Variants in ZNRF1 observed in about 807,000 individuals in gnomAD.
The protein encoded by ZNRF1 is E3 ubiquitin-protein ligase ZNRF1.
In ZNRF1, 3 loss-of-function variants were observed where a neutral mutation model predicts 18.4. The ratio of observed to expected loss-of-function variants is 0.16; its 90% CI spans 0.07 to 0.42. ZNRF1 has a LOEUF of 0.42. ZNRF1 is among the 10% of genes least tolerant of loss of function. ZNRF1 has a pLI of 0.99. For missense variants in ZNRF1, 310 were observed against 329.8 expected (o/e 0.94, Z 0.47); for synonymous variants, 157 against 144.2 (o/e 1.09, Z -0.64).
intron 1 of ZNRF1, among the ~76,000 whole-genome samples, chr16:75,088,848 G>A (rs1472449189): frequency 1.3e-5 from 2 of 152,190 alleles, no homozygotes; most frequent in African/African-American, 4.8e-5. Flanking sequence ...ATTATCATAT[G>A]CAAGAGTAGG....
intron 1 of ZNRF1, among the ~76,000 whole-genome samples, chr16:75,087,946 A>G (rs1367381148): frequency 6.6e-6 from 1 of 152,258 alleles, no homozygotes; most frequent in Non-Finnish European, 1.5e-5. Flanking sequence ...TCAGAGGCTT[A>G]GGGAGTGTCC....
chr16:75,078,385 G>GC (rs1251951936), intron 1 of ZNRF1, among the ~76,000 whole-genome samples: 2 of 132,818 alleles, frequency 1.5e-5, no homozygotes, highest in African/African-American at 2.9e-5. Context: ...TGCAACCTCC[G>GC]CCCCCCAGGT....
At chr16:75,059,229 C>CTTTTTTTTTTTTTTTTTTTT (rs35291578) in intron 1 of ZNRF1, among the ~76,000 whole-genome samples, 9 of 92,878 alleles carry the variant, frequency 9.7e-5, no homozygotes, top group Non-Finnish European at 1.2e-4. Flanking sequence ...TTCTTTCTTT[C>CTTTTTTTTTTTTTTTTTTTT]TTTTTTTTTT....
chr16:75,080,763 A>G (rs1326740772), intron 1 of ZNRF1, among the ~76,000 whole-genome samples: 1 of 152,166 alleles, frequency 6.6e-6, no homozygotes, highest in East Asian at 1.9e-4. Context: ...AGTCCCAGCT[A>G]CTTGAGGGGC....
Position 75,020,087 on chromosome 16 carries a change from T to G in ZNRF1, c.424+19992T>G, listed in dbSNP as rs150900596. ...TAATGACTGAATTTGTGAACTTCTC[T>G]TCATAATTTTGTCAAACGTGTCTGC... is the stretch of plus-strand genomic sequence containing the variant. On this transcript the variant is annotated intron_variant, in intron 1 of 4. Coordinates refer to ENST00000335325, the MANE Select transcript of ZNRF1 (RefSeq NM_032268.5). Among the ~76,000 whole-genome samples, 3 of 152,234 alleles carry G rather than the reference T, an allele frequency of 2.0e-5. No individual in the cohort carries two copies. In the East Asian group the frequency reaches 5.8e-4, roughly 29 times the overall value.
Position 75,107,760 on chromosome 16 carries a change from A to G in ZNRF1, c.*60A>G. On this transcript the variant is annotated 3_prime_UTR_variant, in exon 5 of 5. Coordinates refer to ENST00000335325, the MANE Select transcript of ZNRF1 (RefSeq NM_032268.5). Reference sequence around the variant, plus strand: ...ACAGAGCGCCCCTGCTCCAGGGAGGAGGCTCACCGGACCCTGGGGCAGAGC... The same window carrying G: ...ACAGAGCGCCCCTGCTCCAGGGAGGGGGCTCACCGGACCCTGGGGCAGAGC... 1 of 456,442 alleles carries G rather than the reference A, an allele frequency of 2.2e-6. No individual in the cohort carries two copies. Among genetic ancestry groups the G allele is most frequent in the Non-Finnish European group, 4.4e-6 (1 of 226,780 alleles). The allele number at this position is 456,442 out of a possible 1,614,324, so 28.3% of individuals were successfully genotyped here.
chr16:75,090,096 G>T (rs4447456), intron 1 of ZNRF1, among the ~76,000 whole-genome samples: 113,775 of 152,022 alleles, frequency 0.75, 44,511 homozygotes, highest in Non-Finnish European at 0.87. Flanking sequence ...TAAAGTGCAG[G>T]TGTCCTTTAG....
chr16:75,040,190 G>A (rs773920730), intron 1 of ZNRF1, among the ~76,000 whole-genome samples: 5 of 151,386 alleles, frequency 3.3e-5, no homozygotes, highest in Non-Finnish European at 7.4e-5. Context: ...CACTGCAGGC[G>A]CGCACCACCA....
chr16:75,094,801 A>C lies in ZNRF1; in HGVS notation c.520+1134A>C, dbSNP rs188909990. 1.2e-4 allele frequency among the ~76,000 whole-genome samples: 18 copies of C among 152,318 alleles called. 1 individual carries two copies. Among genetic ancestry groups the C allele is most frequent in the Admixed American group, 1.0e-3 (16 of 15,294 alleles). On this transcript the variant is annotated intron_variant, in intron 2 of 4. Coordinates refer to ENST00000335325, the MANE Select transcript of ZNRF1 (RefSeq NM_032268.5). ...TTAGTCTGGTCTCCAAACCATGTTC[A>C]TCAGAAAACGGCATCTTCCACTAGA...
At chr16:75,077,586 A>G (rs2035956628) in intron 1 of ZNRF1, among the ~76,000 whole-genome samples, 1 of 152,224 alleles carries the variant, frequency 6.6e-6, no homozygotes, top group Non-Finnish European at 1.5e-5. Context: ...TTTCTCTTAG[A>G]AGGTTTTACA....
chr16:75,060,062 CT>C (rs533539713), intron 1 of ZNRF1, among the ~76,000 whole-genome samples: 5 of 148,724 alleles, frequency 3.4e-5, no homozygotes, highest in Admixed American at 1.3e-4. Flanking sequence ...GTTTTCTTTT[CT>C]TTTTTTTTTG....
intron 1 of ZNRF1, among the ~76,000 whole-genome samples, chr16:75,074,961 A>T (rs1389740840): frequency 6.6e-6 from 1 of 152,198 alleles, no homozygotes; most frequent in African/African-American, 2.4e-5. Flanking sequence ...TTTGTATCAG[A>T]GTGCAGAAGC....
At chr16:75,035,750 C>T (rs1427536260) in intron 1 of ZNRF1, among the ~76,000 whole-genome samples, 2 of 152,194 alleles carry the variant, frequency 1.3e-5, no homozygotes, top group African/African-American at 2.4e-5. Flanking sequence ...TCCGCATGCG[C>T]AGTGGCCGCC....
At chr16:75,037,340 TTTTTGTTTTG>T (rs1009845339) in intron 1 of ZNRF1, among the ~76,000 whole-genome samples, 1 of 152,036 alleles carries the variant, frequency 6.6e-6, no homozygotes, top group African/African-American at 2.4e-5. Context: ...CTCTTTTGTT[TTTTTGTTTTG>T]TTTTGTTTTG....
chr16:75,073,243 A>AT (rs1242182276), intron 1 of ZNRF1, among the ~76,000 whole-genome samples: 1 of 151,898 alleles, frequency 6.6e-6, no homozygotes, highest in East Asian at 1.9e-4. Flanking sequence ...TAAATATAAA[A>AT]TTGAGGCAAG....
intron 1 of ZNRF1, among the ~76,000 whole-genome samples, chr16:75,020,864 G>A (rs191985893): frequency 1.3e-5 from 2 of 151,824 alleles, no homozygotes; most frequent in South Asian, 4.2e-4. Context: ...TCTTAGAAAG[G>A]GTTTCATTAT....
At chr16:75,093,061 A>G (rs58154888) in intron 1 of ZNRF1, among the ~76,000 whole-genome samples, 3,591 of 152,254 alleles carry the variant, frequency 0.024, 162 homozygotes, top group African/African-American at 0.083. Context: ...AGCCCTAGTG[A>G]AAGCTGGCAG....
chr16:75,086,761 G>A (rs1432549635), intron 1 of ZNRF1, among the ~76,000 whole-genome samples: 1 of 152,156 alleles, frequency 6.6e-6, no homozygotes, highest in African/African-American at 2.4e-5. Context: ...CAAAGTCAAG[G>A]GGCACGCGCT....
intron 1 of ZNRF1, among the ~76,000 whole-genome samples, chr16:75,012,286 A>G (rs16952761): frequency 0.052 from 7,919 of 152,264 alleles, 635 homozygotes; most frequent in African/African-American, 0.17. Context: ...GTTGTAGTGT[A>G]AAAGGATCAT....
Sources: gnomAD v4.1 joint callset for allele counts (sites outside exome capture counted in the v4.1 genomes callset) on GRCh38, gnomAD v4.1.1 for gene constraint, MANE v1.5 for transcripts, NCBI Gene and HGNC (gene_info 2026-07-23, HGNC 2026-07-21) for gene names.